PAAF1: variants seen among roughly 807,000 people sequenced by gnomAD.
The protein encoded by PAAF1 is proteasomal ATPase associated factor 1.
A neutral mutation model predicts 52.8 loss-of-function variants in PAAF1; 46 were observed. That is an observed-to-expected ratio of 0.87 (90% CI 0.69 to 1.11). The LOEUF (loss-of-function observed/expected upper bound fraction) is 1.11. Among genes scored for constraint, PAAF1 ranks in the 50% most tolerant of loss-of-function variants. PAAF1 has a pLI of 0.00. For synonymous variants in PAAF1, 178 were observed against 172.8 expected (o/e 1.03, Z -0.24); for missense variants, 424 against 477.4 (o/e 0.89, Z 1.04).
chr11:73,903,418 A>G (rs1173988075), intron 6 of PAAF1, among the ~76,000 whole-genome samples: 1 of 152,148 alleles, frequency 6.6e-6, no homozygotes, highest in Non-Finnish European at 1.5e-5. Flanking sequence ...TGTGACTTAA[A>G]AAGAAAAAAA....
At chr11:73,897,377 C>T (rs1949432816) in intron 4 of PAAF1, among the ~76,000 whole-genome samples, 1 of 151,764 alleles carries the variant, frequency 6.6e-6, no homozygotes, top group Admixed American at 6.6e-5. Flanking sequence ...AGGGGCTCCT[C>T]ACTTCTCAGA....
chr11:73,893,605 C>T (rs1042079761), intron 4 of PAAF1, among the ~76,000 whole-genome samples: 7 of 150,868 alleles, frequency 4.6e-5, no homozygotes, highest in African/African-American at 7.3e-5. Flanking sequence ...GGCGTGGTGG[C>T]GTGCACCTAT....
chr11:73,908,686 ACTGCAC>A (rs1949844411), intron 6 of PAAF1, among the ~76,000 whole-genome samples: 1 of 152,124 alleles, frequency 6.6e-6, no homozygotes, highest in African/African-American at 2.4e-5. Flanking sequence ...GGTGTGTACC[ACTGCAC>A]CTGGCCAAGG....
At chr11:73,889,623 A>T (rs1949148461) in intron 3 of PAAF1, among the ~76,000 whole-genome samples, 1 of 152,252 alleles carries the variant, frequency 6.6e-6, no homozygotes, top group Non-Finnish European at 1.5e-5. Context: ...TCTGTCACAT[A>T]GCTCCAAAGA....
intron 3 of PAAF1, among the ~76,000 whole-genome samples, chr11:73,887,854 A>G (rs565317300): frequency 1.3e-5 from 2 of 152,218 alleles, no homozygotes; most frequent in South Asian, 4.2e-4. Flanking sequence ...GGTTCAAGCA[A>G]TTCTCCTGCC....
chr11:73,921,010 A>G (rs2135229466), intron 10 of PAAF1, among the ~76,000 whole-genome samples: 1 of 152,074 alleles, frequency 6.6e-6, no homozygotes, highest in South Asian at 2.1e-4. Flanking sequence ...CTGATTATTA[A>G]CATCTCTGGC....
At chr11:73,892,208 A>G (rs2135148732) in intron 4 of PAAF1, among the ~76,000 whole-genome samples, 1 of 151,872 alleles carries the variant, frequency 6.6e-6, no homozygotes, top group South Asian at 2.1e-4. Flanking sequence ...TTGTAGTCCC[A>G]GCTACTCTGA....
Position 73,927,339 on chromosome 11 carries a change from C to G in PAAF1, c.1156C>G (p.Arg386Gly), listed in dbSNP as rs146738446. ...ATGCTGTCGAGACGGTCTTGTACGA[C>G]GCTACCAGCTTTCTGACCTCTGACT... ...YTCCRDGLVR[R>G]YQLSDL The change falls in exon 12 of 12, where the codon CGC becomes GGC. Residue 386 changes from arginine (R) to glycine (G), a missense_variant. Physicochemically the swap from Arg to Gly is moderately radical, Grantham distance 125. Transcript: ENST00000310571. 11 of 1,613,986 alleles carry G rather than the reference C, an allele frequency of 6.8e-6. No homozygotes were observed. The highest frequency in any genetic ancestry group is 2.2e-5 in the East Asian group (1 of 44,904).
chr11:73,904,128 T>TTGTG (rs1186833499), intron 6 of PAAF1, among the ~76,000 whole-genome samples: 2 of 149,960 alleles, frequency 1.3e-5, no homozygotes, highest in Non-Finnish European at 3.0e-5. Context: ...GGTCCCCCAA[T>TTGTG]TGTGTGTGTG....
chr11:73,882,278 C>CGGGG (rs1948932397), intron 2 of PAAF1, among the ~76,000 whole-genome samples: 1 of 148,122 alleles, frequency 6.8e-6, no homozygotes, highest in African/African-American at 2.5e-5. Context: ...TCCCAAAGTG[C>CGGGG]TGGGATTACA....
rs1949553967 is a variant in PAAF1 at position 73,900,065 on chromosome 11, T to C, written c.382-205T>C. Reference sequence around the variant, plus strand: ...ACATGGAATTCAGTTCTATAACCTCTATAGCTGAATTCGAGGAAACACCTT... The same window carrying C: ...ACATGGAATTCAGTTCTATAACCTCCATAGCTGAATTCGAGGAAACACCTT... On this transcript the variant is annotated intron_variant, in intron 5 of 11. Transcript: ENST00000310571. Among the ~76,000 whole-genome samples the C allele has an allele frequency of 2.0e-5, 3 of 152,140 alleles. No individual in the cohort carries two copies. In the East Asian group the frequency reaches 5.8e-4, roughly 29 times the overall value.
At chr11:73,879,385 C>T (rs1948831100) in intron 2 of PAAF1, 1 of 152,192 alleles carries the variant, frequency 6.6e-6, no homozygotes, top group African/African-American at 2.4e-5. Flanking sequence ...ATCCAGGAAG[C>T]TCCCAAGTCT....
intron 10 of PAAF1, among the ~76,000 whole-genome samples, chr11:73,922,774 G>A (rs1184327479): frequency 4.2e-5 from 6 of 142,358 alleles, no homozygotes; most frequent in South Asian, 2.2e-4. Flanking sequence ...CCGAGATCGC[G>A]CCACTGCACT....
At chr11:73,882,020 A>G (rs568170207) in intron 2 of PAAF1, among the ~76,000 whole-genome samples, 1 of 151,132 alleles carries the variant, frequency 6.6e-6, no homozygotes, top group Admixed American at 6.6e-5. Context: ...GATTACAAGC[A>G]TGTGCCACCA....
At chr11:73,901,517 G>T (rs1457466009) in intron 6 of PAAF1, among the ~76,000 whole-genome samples, 1 of 151,944 alleles carries the variant, frequency 6.6e-6, no homozygotes, top group African/African-American at 2.4e-5. Flanking sequence ...GAATTAATTT[G>T]TATTGCCCTC....
At position 73,918,807 on chromosome 11, in the gene PAAF1, C is replaced by G. The variant is rs537623372; in HGVS notation, c.936-143C>G. The G allele has an allele frequency of 1.1e-3, 748 of 659,700 alleles. 12 individuals are homozygous for G. The highest frequency in any genetic ancestry group is 8.5e-3 in the South Asian group (437 of 51,612). 40.9% of individuals were successfully genotyped at this position (659,700 alleles called of 1,614,324 possible). A position where few individuals can be genotyped will look rare whatever the true frequency, so the allele number is the denominator to read the frequency against. ...CTTAATCTGCCAGTTAAGGTTCTTG[C>G]CAGGAAAGAAACCATAGAAATGTTT... is the stretch of plus-strand genomic sequence containing the variant. On this transcript the variant is annotated intron_variant, in intron 9 of 11. Coordinates refer to ENST00000310571, the MANE Select transcript of PAAF1 (RefSeq NM_025155.3).
At chr11:73,889,289 T>A in intron 3 of PAAF1, 1 of 1,160,706 alleles carries the variant, frequency 8.6e-7, no homozygotes, top group Non-Finnish European at 1.1e-6. Context: ...CTAACTGCCA[T>A]GAGTCACTTT....
intron 4 of PAAF1, among the ~76,000 whole-genome samples, chr11:73,898,158 G>A (rs144678394): frequency 0.086 from 12,606 of 145,938 alleles, 641 homozygotes; most frequent in South Asian, 0.27. Context: ...GCATCAGAGG[G>A]AGACCGTGGA....
chr11:73,916,461 G>T, intron 8 of PAAF1, 84 bp from the exon 9 acceptor site: 1 of 819,396 alleles, frequency 1.2e-6, no homozygotes, highest in African/African-American at 1.7e-5. Context: ...AAAATATAGT[G>T]AAATTTTTCC....
Sources: gnomAD v4.1 joint callset for allele counts (sites outside exome capture counted in the v4.1 genomes callset) on GRCh38, gnomAD v4.1.1 for gene constraint, MANE v1.5 for transcripts, NCBI Gene and HGNC (gene_info 2026-07-23, HGNC 2026-07-21) for gene names.